KCND2: variants seen among roughly 807,000 people sequenced by gnomAD.
KCND2 encodes A-type voltage-gated potassium channel KCND2.
KCND2 carries 16 observed loss-of-function variants against 54.4 expected under a neutral mutation model. The ratio of observed to expected loss-of-function variants is 0.29; its 90% CI spans 0.20 to 0.45. KCND2 has a LOEUF of 0.45. Among genes scored for constraint, KCND2 ranks in the 20% least tolerant of loss-of-function variants. The pLI is 1.00. For missense variants in KCND2, 486 were observed against 824.2 expected, an observed-to-expected ratio of 0.59 and a Z score of 5.02; for synonymous variants, 317 against 310.7, an observed-to-expected ratio of 1.02 and a Z score of -0.21.
rs571064874 is a variant in KCND2 at position 120,648,084 on chromosome 7, G to A, written c.1116-84819G>A. ...CTAAAAAGAAATATGATAAAAATAG[G>A]TTTTTCTGTCCTCCTAAAAATAGGT... is the stretch of plus-strand genomic sequence containing the variant. On this transcript the variant is annotated intron_variant, in intron 1 of 5. Transcript: ENST00000331113. Among the ~76,000 whole-genome samples the A allele has an allele frequency of 1.7e-3, 253 of 152,142 alleles. 3 individuals carry two copies. Among genetic ancestry groups the A allele is most frequent in the African/African-American group, 5.8e-3 (242 of 41,506 alleles).
At chr7:120,273,153 G>C (rs570373700), upstream of KCND2, among the ~76,000 whole-genome samples, 1 of 152,168 alleles carries the variant, frequency 6.6e-6, no homozygotes, top group Non-Finnish European at 1.5e-5. Context: ...TCAAGCCGAG[G>C]GAAAGGCAGG....
intron 1 of KCND2, among the ~76,000 whole-genome samples, chr7:120,594,945 G>A (rs982213650): frequency 1.3e-4 from 19 of 151,552 alleles, no homozygotes; most frequent in South Asian, 2.1e-4. Context: ...GCTTAAACCC[G>A]GGAGGCGGAG....
chr7:120,747,567 C>A, intron 5 of KCND2, 114 bp from the exon 6 acceptor site: 1 of 717,374 alleles, frequency 1.4e-6, no homozygotes, highest in South Asian at 1.7e-5. Context: ...ATTATAATAA[C>A]TTTCCTTAGA....
intron 1 of KCND2, among the ~76,000 whole-genome samples, chr7:120,610,956 C>T (rs945713016): frequency 1.3e-5 from 2 of 152,134 alleles, no homozygotes; most frequent in East Asian, 3.9e-4. Flanking sequence ...CTCACATCTA[C>T]CAAAAGCCAT....
chr7:120,737,265 A>C (rs193204462), intron 2 of KCND2, among the ~76,000 whole-genome samples: 20 of 152,036 alleles, frequency 1.3e-4, no homozygotes, highest in Admixed American at 6.6e-5. Flanking sequence ...AAAATCAAAG[A>C]TTTTTATTTA....
chr7:120,389,410 T>A (rs1411236287), intron 1 of KCND2, among the ~76,000 whole-genome samples: 1 of 151,884 alleles, frequency 6.6e-6, no homozygotes, highest in Non-Finnish European at 1.5e-5. Context: ...AGGAAATTTC[T>A]AGTATATAGT....
intron 2 of KCND2, among the ~76,000 whole-genome samples, chr7:120,737,035 TACACACACACACACAC>T (rs768582158): frequency 2.0e-5 from 2 of 98,754 alleles, no homozygotes; most frequent in East Asian, 2.6e-4. Context: ...CTGGAAAGCT[TACACACACACACACAC>T]ACACACACAC....
chr7:120,429,372 A>G (rs1357980350), intron 1 of KCND2, among the ~76,000 whole-genome samples: 1 of 152,246 alleles, frequency 6.6e-6, no homozygotes, highest in African/African-American at 2.4e-5. Flanking sequence ...ATAAAGAAGT[A>G]AATTACTAAT....
chr7:120,318,018 C>T (rs1799837416), intron 1 of KCND2, among the ~76,000 whole-genome samples: 1 of 152,094 alleles, frequency 6.6e-6, no homozygotes, highest in African/African-American at 2.4e-5. Flanking sequence ...ACCATGTTCT[C>T]TAAGGTGTGA....
At chr7:120,360,303 T>C (rs1388234472) in intron 1 of KCND2, among the ~76,000 whole-genome samples, 3 of 152,094 alleles carry the variant, frequency 2.0e-5, no homozygotes, top group Non-Finnish European at 4.4e-5. Context: ...CTTAAAAGGT[T>C]ATCCTTTGGT....
chr7:120,613,035 G>A (rs75183692), intron 1 of KCND2, among the ~76,000 whole-genome samples: 2,136 of 151,642 alleles, frequency 0.014, 18 homozygotes, highest in Non-Finnish European at 0.023. Context: ...ATAGAATTTG[G>A]GAGAGGTATT....
Position 120,742,347 on chromosome 7 carries a change from G to T in KCND2, c.1375-163G>T, listed in dbSNP as rs1221747913. ...TTCATTTGATGAAATTGTAAATGCC[G>T]ATCATCCAACTTAACAGGAACTGCA... On this transcript the variant is annotated intron_variant, in intron 3 of 5. Coordinates refer to ENST00000331113, the MANE Select transcript of KCND2 (RefSeq NM_012281.3). 2.1e-5 allele frequency: 14 copies of T among 651,442 alleles called. No homozygotes were observed. The South Asian group carries it at 2.3e-4, about 11-fold the overall frequency. 40.4% of individuals were successfully genotyped at this position (651,442 alleles called of 1,614,324 possible).
At chr7:120,717,028 A>G (rs1259647372) in intron 1 of KCND2, among the ~76,000 whole-genome samples, 1 of 152,150 alleles carries the variant, frequency 6.6e-6, no homozygotes, top group African/African-American at 2.4e-5. Context: ...AATTATAACT[A>G]TATGTTGTAG....
chr7:120,746,349 C>T (rs1313733174), intron 5 of KCND2, among the ~76,000 whole-genome samples: 1 of 152,006 alleles, frequency 6.6e-6, no homozygotes, highest in African/African-American at 2.4e-5. Context: ...CTTATATATT[C>T]AATAGTCTGA....
intron 1 of KCND2, among the ~76,000 whole-genome samples, chr7:120,509,714 T>G (rs1803083127): frequency 6.6e-6 from 1 of 152,130 alleles, no homozygotes; most frequent in Admixed American, 6.6e-5. Flanking sequence ...TGTTGTTTAC[T>G]TCAATGCAAC....
At position 120,534,351 on chromosome 7, in the gene KCND2, C is replaced by T. The variant is rs1398381054; in HGVS notation, c.1116-198552C>T. ...CCTACCTAACCCTCCTTACCTAACC[C>T]GGTTCATCCTCCTTACCTAACCCGG... is the stretch of plus-strand genomic sequence containing the variant. On this transcript the variant is annotated intron_variant, in intron 1 of 5. Coordinates refer to ENST00000331113, the MANE Select transcript of KCND2 (RefSeq NM_012281.3). Among the ~76,000 whole-genome samples the T allele has an allele frequency of 5.9e-5, 9 of 152,066 alleles. No individual in the cohort carries two copies. The East Asian group carries it at 7.7e-4, about 13-fold the overall frequency.
At chr7:120,622,485 T>TTA (rs370315618) in intron 1 of KCND2, among the ~76,000 whole-genome samples, 8,596 of 151,056 alleles carry the variant, frequency 0.057, 248 homozygotes, top group Non-Finnish European at 0.071. Context: ...TGCGAAATTG[T>TTA]TATATATATA....
intron 1 of KCND2, among the ~76,000 whole-genome samples, chr7:120,334,240 T>C (rs894232121): frequency 2.0e-5 from 3 of 152,138 alleles, no homozygotes; most frequent in Non-Finnish European, 4.4e-5. Flanking sequence ...AACTATCAAA[T>C]AGAAGTGTTG....
chr7:120,286,885 C>T (rs986580481), intron 1 of KCND2, among the ~76,000 whole-genome samples: 4 of 151,798 alleles, frequency 2.6e-5, no homozygotes, highest in African/African-American at 7.3e-5. Flanking sequence ...AGGCAAGCAT[C>T]AAGTATTAAA....
Sources: allele counts gnomAD v4.1 joint callset (sites outside exome capture counted in the v4.1 genomes callset), GRCh38; gene constraint gnomAD v4.1.1; transcripts MANE v1.5; gene names NCBI Gene and HGNC (gene_info 2026-07-23, HGNC 2026-07-21).